Variants in C12orf56 observed in about 807,000 individuals in gnomAD.
C12orf56 encodes uncharacterized protein C12orf56.
In C12orf56, 71 loss-of-function variants were observed where a neutral mutation model predicts 69.9. The observed-to-expected ratio is 1.02, with a 90% CI of 0.84 to 1.24. C12orf56 has a LOEUF of 1.24. Ranked by LOEUF, C12orf56 falls within the 50% of genes most tolerant of loss-of-function variation. C12orf56 has a pLI of 0.00. For synonymous variants in C12orf56, 276 were observed against 274.1 expected (o/e 1.01, Z -0.07); for missense variants, 732 against 738.5 (o/e 0.99, Z 0.10).
chr12:64,272,267 G>A (rs1456437397), intron 11 of C12orf56, among the ~76,000 whole-genome samples: 1 of 152,124 alleles, frequency 6.6e-6, no homozygotes, highest in African/African-American at 2.4e-5. Context: ...CACTTTAGGA[G>A]GCCGAAGTGG....
intron 5 of C12orf56, 57 bp downstream of exon 5, chr12:64,312,622 G>T: frequency 7.7e-7 from 1 of 1,298,268 alleles, no homozygotes; most frequent in South Asian, 1.3e-5. Flanking sequence ...AAAAAGGAGA[G>T]GCAAAGAGGA....
chr12:64,288,758 T>TAGTATAGTTTGA, intron 6 of C12orf56, among the ~76,000 whole-genome samples: 1 of 148,072 alleles, frequency 6.8e-6, no homozygotes, highest in Middle Eastern at 3.5e-3. Flanking sequence ...TGTAGCCTTG[T>TAGTATAGTTTGA]AGTATAGTTT....
intron 6 of C12orf56, among the ~76,000 whole-genome samples, chr12:64,300,391 T>A (rs2038427990): frequency 6.6e-6 from 1 of 152,162 alleles, no homozygotes; most frequent in Non-Finnish European, 1.5e-5. Flanking sequence ...AAACTGAAGA[T>A]GCTTAAATGA....
intron 2 of C12orf56, among the ~76,000 whole-genome samples, chr12:64,332,983 A>G (rs1007450355): frequency 2.6e-5 from 4 of 152,232 alleles, no homozygotes; most frequent in Non-Finnish European, 5.9e-5. Context: ...GGAATTTAAG[A>G]AACTTTAAGA....
intron 5 of C12orf56, among the ~76,000 whole-genome samples, chr12:64,311,583 A>G (rs1165443033): frequency 2.0e-5 from 3 of 152,188 alleles, no homozygotes; most frequent in African/African-American, 7.2e-5. Flanking sequence ...AGAGTACAGT[A>G]GTGTTCCAGA....
chr12:64,269,594 CTT>C (rs68020602), intron 12 of C12orf56, among the ~76,000 whole-genome samples: 27 of 148,516 alleles, frequency 1.8e-4, no homozygotes, highest in East Asian at 3.9e-4. Context: ...TTTATTTACA[CTT>C]TTTTTTTTTT....
chr12:64,313,275 AAAG>A (rs1206299015), intron 4 of C12orf56, among the ~76,000 whole-genome samples: 28 of 38,998 alleles, frequency 7.2e-4, no homozygotes, highest in African/African-American at 2.0e-3. Context: ...AAAAAAAAAA[AAAG>A]AAAGAAAGAA....
At chr12:64,284,454 T>C (rs1460405853) in intron 8 of C12orf56, among the ~76,000 whole-genome samples, 1 of 152,228 alleles carries the variant, frequency 6.6e-6, no homozygotes, top group African/African-American at 2.4e-5. Flanking sequence ...AAAATCTTTG[T>C]ACCCTTAATA....
chr12:64,289,316 T>C (rs200951997), intron 6 of C12orf56, among the ~76,000 whole-genome samples: 81 of 115,256 alleles, frequency 7.0e-4, no homozygotes, highest in Middle Eastern at 4.0e-3. Context: ...TTTGACTTCC[T>C]CTTTTCCTAA....
At chr12:64,327,922 T>C (rs2038864649) in intron 3 of C12orf56, among the ~76,000 whole-genome samples, 1 of 152,214 alleles carries the variant, frequency 6.6e-6, no homozygotes, top group African/African-American at 2.4e-5. Context: ...CCAACAATTT[T>C]CTTATCCAGA....
intron 3 of C12orf56, among the ~76,000 whole-genome samples, chr12:64,328,025 A>T (rs1034943748): frequency 1.3e-5 from 2 of 152,068 alleles, no homozygotes; most frequent in Non-Finnish European, 2.9e-5. Flanking sequence ...TTGGCAAGAA[A>T]GAAAGTTATA....
Position 64,385,781 on chromosome 12 carries a change from GTAA to G in C12orf56, c.252+4530_252+4532del, listed in dbSNP as rs147946610. Among the ~76,000 whole-genome samples, 639 of 152,248 alleles carry G rather than the reference GTAA, an allele frequency of 4.2e-3. 2 individuals are homozygous for G. Among genetic ancestry groups the G allele is most frequent in the Non-Finnish European group, 6.7e-3 (458 of 68,024 alleles). Reference sequence around the variant, plus strand: ...TGAATGCTCGGGGAGCCTGATCTGAGTAATAATAAAACTCCAGTCTCCTGCACA... The same window carrying G: ...TGAATGCTCGGGGAGCCTGATCTGAGTAATAAAACTCCAGTCTCCTGCACA... On this transcript the variant is annotated intron_variant, in intron 1 of 12. Coordinates refer to ENST00000543942, the MANE Select transcript of C12orf56 (RefSeq NM_001170633.2).
intron 3 of C12orf56, among the ~76,000 whole-genome samples, chr12:64,327,749 T>C (rs999661651): frequency 6.6e-6 from 1 of 152,264 alleles, no homozygotes; most frequent in Non-Finnish European, 1.5e-5. Flanking sequence ...TTTGCCATGC[T>C]AAATAGAACA....
At position 64,303,713 on chromosome 12, in the gene C12orf56, C is replaced by G; in HGVS notation, c.1035G>C (p.Leu345Phe). 1.9e-6 allele frequency: 3 copies of G among 1,581,164 alleles called. No homozygotes were observed. In the South Asian group the frequency reaches 3.5e-5, roughly 19 times the overall value. The change falls in exon 6 of 13, where the codon TTG (leucine) becomes TTC (phenylalanine). Residue 345 changes from leucine to phenylalanine, a missense_variant. Transcript: ENST00000543942. ...CCATAAGTAAAGAAAGTATCCTCCT[C>G]AAAGAATTGTCTTTAAGAAAAAGTT... ...KSELFLKDNS[L>F]RRILSLLMEL...
chr12:64,315,234 A>G (rs928281700), intron 4 of C12orf56, among the ~76,000 whole-genome samples: 1 of 151,366 alleles, frequency 6.6e-6, no homozygotes, highest in African/African-American at 2.4e-5. Context: ...GCTTAATATC[A>G]GAGTGGTGTA....
intron 2 of C12orf56, among the ~76,000 whole-genome samples, chr12:64,343,533 A>C (rs528266706): frequency 6.6e-6 from 1 of 152,354 alleles, no homozygotes; most frequent in Admixed American, 6.5e-5. Context: ...GGCATTTGCC[A>C]AGTCAATGGC....
At chr12:64,280,945 G>A (rs1448050071) in intron 8 of C12orf56, among the ~76,000 whole-genome samples, 1 of 152,268 alleles carries the variant, frequency 6.6e-6, no homozygotes, top group East Asian at 1.9e-4. Context: ...AAGCCACTAA[G>A]TTTGTGATAA....
intron 2 of C12orf56, among the ~76,000 whole-genome samples, chr12:64,351,913 T>G (rs2039227629): frequency 6.6e-6 from 1 of 151,410 alleles, no homozygotes; most frequent in Admixed American, 6.6e-5. Flanking sequence ...TTCTCTGTCC[T>G]CGCTTCACAG....
At chr12:64,343,336 T>C (rs1404008658) in intron 2 of C12orf56, among the ~76,000 whole-genome samples, 1 of 152,162 alleles carries the variant, frequency 6.6e-6, no homozygotes, top group African/African-American at 2.4e-5. Context: ...CATAATGTCA[T>C]CAATGTAATG....
Sources: gnomAD v4.1 joint callset for allele counts (sites outside exome capture counted in the v4.1 genomes callset) on GRCh38, gnomAD v4.1.1 for gene constraint, MANE v1.5 for transcripts, NCBI Gene and HGNC (gene_info 2026-07-23, HGNC 2026-07-21) for gene names.